Variants in MAX observed in about 807,000 individuals in gnomAD.
MAX encodes the protein MYC associated transcriptional regulator X.
In MAX, 3 loss-of-function variants were observed where a neutral mutation model predicts 22.3. The ratio of observed to expected loss-of-function variants is 0.13; its 90% CI spans 0.06 to 0.35. The LOEUF (loss-of-function observed/expected upper bound fraction) is 0.35, where lower values mean the gene tolerates loss of function less well. Among genes scored for constraint, MAX ranks in the 10% least tolerant of loss-of-function variants. MAX has a pLI of 1.00. For synonymous variants in MAX, 72 were observed against 77.7 expected (o/e 0.93, Z 0.39); for missense variants, 119 against 209.4 (o/e 0.57, Z 2.66).
intron 3 of MAX, among the ~76,000 whole-genome samples, chr14:65,066,862 CAAAAA>C (rs759184338): frequency 1.1e-5 from 1 of 88,854 alleles, no homozygotes; most frequent in African/African-American, 4.6e-5. Context: ...AATTCCATCT[CAAAAA>C]AAAAAAAAAA....
chr14:65,091,298 C>T (rs756975479), intron 3 of MAX, among the ~76,000 whole-genome samples: 7 of 152,208 alleles, frequency 4.6e-5, no homozygotes, highest in Non-Finnish European at 1.0e-4. Context: ...TGAAACAGCG[C>T]TGGCAGCTCG....
rs1371194678 is a variant in MAX, at chr14:65,044,976, G to A, written c.172-38692C>T. Among the ~76,000 whole-genome samples the A allele has an allele frequency of 6.6e-6, 1 of 152,182 alleles. No homozygotes were observed. The highest frequency in any genetic ancestry group is 1.5e-5 in the Non-Finnish European group (1 of 68,026). ...ACTGGCTGCAGAGTTGTCACTATTAGAAATGTTTTATTTTACATTCATTGA... is the reference window on the plus strand; with the variant it reads ...ACTGGCTGCAGAGTTGTCACTATTAAAAATGTTTTATTTTACATTCATTGA... On this transcript the variant is annotated intron_variant, in intron 3 of 3. Transcript: ENST00000341653. The surrounding 1 kb of genome is among the most constrained non-coding windows in gnomAD (Gnocchi z 5.5).
At chr14:65,102,561 G>C, upstream of MAX, 1 of 1,443,884 alleles carries the variant, frequency 6.9e-7, no homozygotes, top group Non-Finnish European at 9.1e-7. Flanking sequence ...GTCGGCCCCC[G>C]CCACGTGACC....
chr14:65,074,081 T>C (rs1262788003), downstream of MAX, among the ~76,000 whole-genome samples: 1 of 152,166 alleles, frequency 6.6e-6, no homozygotes, highest in African/African-American at 2.4e-5. Context: ...ATGCCTTCCA[T>C]CTCTGCATCA....
In MAX at chr14:65,069,815, GGGAAACATGGTCAAGTTGTT is replaced by G. The variant is rs2062967474; in HGVS notation, c.171+23873_171+23892del. The stretch of plus-strand genomic sequence containing the variant: ...ACTCTCTGCACAGAGGTCCCTGGAT[GGGAAACATGGTCAAGTTGTT>G]GGAAACAGGGTCCTTCCTCTCCAAA... On this transcript the variant is annotated intron_variant, in intron 3 of 3. Coordinates refer to the MAX transcript ENST00000341653. This position sits in a 1 kb window ranked among gnomAD's most constrained non-coding sequence, Gnocchi z 4.6. Among the ~76,000 whole-genome samples the G allele has an allele frequency of 6.6e-6, 1 of 152,244 alleles. No individual in the cohort carries two copies. The highest frequency in any genetic ancestry group is 1.5e-5 in the Non-Finnish European group (1 of 68,044).
chr14:65,014,122 C>CT lies in MAX; in HGVS notation c.172-7839dup, dbSNP rs112181515. ...CAACGGAAAGAACACTGGATTGACT[C>CT]TAAAAACCTAGGTTCTTGTCTCACC... On this transcript the variant is annotated intron_variant, in intron 3 of 3. Transcript: ENST00000341653. This position sits in a 1 kb window ranked among gnomAD's most constrained non-coding sequence, Gnocchi z 5.1. Among the ~76,000 whole-genome samples, 641 of 152,272 alleles carry CT rather than the reference C, an allele frequency of 4.2e-3. 17 individuals are homozygous for CT. The South Asian group carries it at 0.043, about 10-fold the overall frequency.
intron 3 of MAX, among the ~76,000 whole-genome samples, chr14:65,033,795 T>C (rs1010919174): frequency 2.0e-5 from 3 of 152,100 alleles, no homozygotes; most frequent in Non-Finnish European, 4.4e-5. Flanking sequence ...AGGCGGAGCT[T>C]GCAGTGAGCC....
At chr14:65,057,086 G>A (rs981689185) in intron 3 of MAX, among the ~76,000 whole-genome samples, 1 of 152,096 alleles carries the variant, frequency 6.6e-6, no homozygotes. Flanking sequence ...GAGAGCTCAC[G>A]CACTACTGCA....
At chr14:65,010,233 C>T (rs2061662404) in intron 3 of MAX, among the ~76,000 whole-genome samples, 3 of 152,248 alleles carry the variant, frequency 2.0e-5, no homozygotes, top group Admixed American at 2.0e-4. Flanking sequence ...TCCTGTTTCT[C>T]TCCTTCACTG....
Position 65,070,065 on chromosome 14 carries a change from G to A in MAX, c.171+23643C>T, listed in dbSNP as rs1315653863. On this transcript the variant is annotated intron_variant, in intron 3 of 3. Coordinates refer to the MAX transcript ENST00000341653. This position sits in a 1 kb window ranked among gnomAD's most constrained non-coding sequence, Gnocchi z 4.4. ...CTCAAGCACTGTGCATGGGAGCCAT[G>A]GGCTGCCGGGCTGCCAGGCTGCCAG... Among the ~76,000 whole-genome samples the A allele has an allele frequency of 6.6e-6, 1 of 151,492 alleles. No homozygotes were observed. Among genetic ancestry groups the A allele is most frequent in the Non-Finnish European group, 1.5e-5 (1 of 67,724 alleles).
chr14:65,032,747 A>G lies in MAX; in HGVS notation c.172-26463T>C. The G allele has an allele frequency of 1.3e-6, 2 of 1,556,064 alleles. No individual in the cohort carries two copies. Among genetic ancestry groups the G allele is most frequent in the South Asian group, 1.2e-5 (1 of 85,642 alleles). ...GCCTCTTGGAGAGCAGGCGGTCACG[A>G]CACTACTTCAGAAAAATAAAGAAAA... On this transcript the variant is annotated intron_variant, in intron 3 of 3. Coordinates refer to the MAX transcript ENST00000341653. This position sits in a 1 kb window ranked among gnomAD's most constrained non-coding sequence, Gnocchi z 5.0.
intron 2 of MAX, among the ~76,000 whole-genome samples, chr14:65,099,384 T>A (rs1351550981): frequency 6.6e-6 from 1 of 151,936 alleles, no homozygotes; most frequent in East Asian, 1.9e-4. Context: ...AACAGCAAAC[T>A]AAAAACATCT....
chr14:65,037,741 A>ATTTAT (rs372196330), intron 3 of MAX, among the ~76,000 whole-genome samples: 3 of 132,718 alleles, frequency 2.3e-5, no homozygotes, highest in Non-Finnish European at 3.2e-5. Flanking sequence ...TTATTTATTT[A>ATTTAT]TTATTTATTT....
Position 65,076,549 on chromosome 14 carries a change from C to T in MAX, c.410G>A (p.Gly137Asp), listed in dbSNP as rs771696396. The change falls in exon 5 of 5, where the codon GGC becomes GAC. Residue 137 changes from glycine to aspartate, a missense_variant. Around this residue, in one of 3 missense-constraint regions of MAX, gnomAD observed 95 missense variants for 148.1 expected, o/e 0.64. Transcript: ENST00000358664. This position sits in a 1 kb window ranked among gnomAD's most constrained non-coding sequence, Gnocchi z 6.6. ...CTCAGACTCCGAGCTGGAGTCCGAG[C>T]CCCCATCGAAGGCAGAGATGGTGCT... is the stretch of plus-strand genomic sequence containing the variant. ...KGSTISAFDGGSDSSSESEPE... is the reference protein window; with the variant it reads ...KGSTISAFDGDSDSSSESEPE... 2.4e-5 allele frequency: 39 copies of T among 1,614,046 alleles called. No homozygotes were observed. The highest frequency in any genetic ancestry group is 3.0e-5 in the Non-Finnish European group (35 of 1,180,012).
At position 65,093,032 on chromosome 14, in the gene MAX, T is replaced by C. The variant is rs1419601239; in HGVS notation, c.171+676A>G. On this transcript the variant is annotated intron_variant, in intron 3 of 4. Coordinates refer to ENST00000358664, the MANE Select transcript of MAX (RefSeq NM_002382.5). This position sits in a 1 kb window ranked among gnomAD's most constrained non-coding sequence, Gnocchi z 4.4. ...AGGGAGTGACCCTAACCCATAGGCT[T>C]TTACTCAAAGCTTCTAATTTTGTTT... 6.6e-6 allele frequency among the ~76,000 whole-genome samples: 1 copy of C among 152,208 alleles called. No homozygotes were observed. Among genetic ancestry groups the C allele is most frequent in the African/African-American group, 2.4e-5 (1 of 41,452 alleles).
Position 65,014,613 on chromosome 14 carries a change from A to G in MAX, c.172-8329T>C, listed in dbSNP as rs1375015431. 6.6e-6 allele frequency among the ~76,000 whole-genome samples: 1 copy of G among 152,174 alleles called. No individual in the cohort carries two copies. Among genetic ancestry groups the G allele is most frequent in the African/African-American group, 2.4e-5 (1 of 41,450 alleles). ...TGAATTGCTTCAGCCCAGGAGTTCA[A>G]GACCAGCCTGGGCAACATAGTGGGA... On this transcript the variant is annotated intron_variant, in intron 3 of 3. Transcript: ENST00000341653. This position sits in a 1 kb window ranked among gnomAD's most constrained non-coding sequence, Gnocchi z 5.1.
chr14:65,093,704 T>C lies in MAX; in HGVS notation c.171+4A>G, dbSNP rs376941115. ...CAGCTACTCAGCTTTCTCAGGAAAC[T>C]CACCTTCTCTCCTTGGAGTGATGGG... On this transcript the variant is annotated splice_donor_region_variant and intron_variant, in intron 3 of 4. Transcript: ENST00000358664. This position sits in a 1 kb window ranked among gnomAD's most constrained non-coding sequence, Gnocchi z 4.4. The C allele has an allele frequency of 1.4e-5, 21 of 1,544,802 alleles. No homozygotes were observed. The African/African-American group carries it at 2.0e-4, about 15-fold the overall frequency.
rs2031754382 is a variant in MAX at position 65,054,922 on chromosome 14, G to C, written c.171+38786C>G. Among the ~76,000 whole-genome samples, 1 of 152,220 alleles carries C rather than the reference G, an allele frequency of 6.6e-6. No individual in the cohort carries two copies. Among genetic ancestry groups the C allele is most frequent in the Non-Finnish European group, 1.5e-5 (1 of 68,034 alleles). On this transcript the variant is annotated intron_variant, in intron 3 of 3. Transcript: ENST00000341653. The surrounding 1 kb of genome is among the most constrained non-coding windows in gnomAD (Gnocchi z 4.4). ...GTCTGATCTGTCAAAGAGCTGTTGTGCCTTTATCCCAGGGCTGAGGACCTA... is the reference window on the plus strand; with the variant it reads ...GTCTGATCTGTCAAAGAGCTGTTGTCCCTTTATCCCAGGGCTGAGGACCTA...
intron 1 of MAX, 67 bp from the exon 2 acceptor site, chr14:65,101,639 T>TA (rs1251067744): frequency 2.4e-6 from 3 of 1,257,610 alleles, no homozygotes; most frequent in Non-Finnish European, 2.3e-6. Flanking sequence ...CATTCAATAA[T>TA]AAGAAAGAAA....
Sources: gnomAD v4.1 joint callset for allele counts (sites outside exome capture counted in the v4.1 genomes callset) on GRCh38, gnomAD v4.1.1 for gene constraint, gnomAD v4.1.1 regional missense constraint, Gnocchi (gnomAD v3.1) non-coding constraint, MANE v1.5 for transcripts, NCBI Gene and HGNC (gene_info 2026-07-23, HGNC 2026-07-21) for gene names.